Variants in ADAM32 observed in about 807,000 individuals in gnomAD.
The protein encoded by ADAM32 is disintegrin and metalloproteinase domain-containing protein 32.
ADAM32 carries 89 observed loss-of-function variants against 114.9 expected under a neutral mutation model. The observed-to-expected ratio is 0.77, with a 90% CI of 0.65 to 0.92. The LOEUF is 0.92. ADAM32 is among the 40% of genes least tolerant of loss of function. The pLI, the probability that ADAM32 is intolerant of heterozygous loss-of-function variation, is 0.00. For missense variants in ADAM32, 870 were observed against 932.8 expected, an observed-to-expected ratio of 0.93 and a Z score of 0.88; for synonymous variants, 285 against 307.5, an observed-to-expected ratio of 0.93 and a Z score of 0.77.
intron 14 of ADAM32, among the ~76,000 whole-genome samples, chr8:39,229,697 A>G (rs1809608640): frequency 1.3e-5 from 2 of 152,198 alleles, no homozygotes; most frequent in African/African-American, 4.8e-5. Flanking sequence ...CCAAATTTAT[A>G]AAACAATTAC....
At chr8:39,157,883 C>T (rs879830130) in intron 6 of ADAM32, 2 of 484,322 alleles carry the variant, frequency 4.1e-6, no homozygotes, top group Non-Finnish European at 7.7e-6. Flanking sequence ...TATTATAGAT[C>T]TTCTTGTTGA....
intron 11 of ADAM32, among the ~76,000 whole-genome samples, chr8:39,194,550 C>A (rs545509194): frequency 6.6e-6 from 1 of 152,162 alleles, no homozygotes; most frequent in Non-Finnish European, 1.5e-5. Context: ...AGAGAGGGCA[C>A]AAGCAAGCTG....
chr8:39,107,594 C>A, upstream of ADAM32: 1 of 1,413,052 alleles, frequency 7.1e-7, no homozygotes, highest in Admixed American at 3.0e-5. Flanking sequence ...AGCCTCGGGG[C>A]GCACGCTGCG....
At chr8:39,148,853 A>G (rs2129445474) in intron 4 of ADAM32, among the ~76,000 whole-genome samples, 1 of 152,284 alleles carries the variant, frequency 6.6e-6, no homozygotes, top group East Asian at 1.9e-4. Context: ...GAAATTATAT[A>G]ATTTTCACAT....
intron 13 of ADAM32, 127 bp from the exon 14 acceptor site, chr8:39,222,912 CA>C (rs1213924471): frequency 2.6e-4 from 172 of 656,152 alleles, no homozygotes; most frequent in Middle Eastern, 4.3e-4. Flanking sequence ...GTAATTTGTA[CA>C]AAAAAGTATT....
intron 3 of ADAM32, among the ~76,000 whole-genome samples, chr8:39,145,022 T>G (rs1486392034): frequency 6.6e-6 from 1 of 152,016 alleles, no homozygotes; most frequent in African/African-American, 2.4e-5. Context: ...TATACATTAA[T>G]AAGAAATTTT....
At position 39,212,853 on chromosome 8, in the gene ADAM32, C is replaced by T. The variant is rs554401957; in HGVS notation, c.1233+1529C>T. ...TCCAAAATGGTTGTATCTTTTTACA[C>T]TCCTGTCAGCAGCATATGAAACTTT... On this transcript the variant is annotated intron_variant, in intron 12 of 24. Coordinates refer to ENST00000379907, the MANE Select transcript of ADAM32 (RefSeq NM_145004.7). Among the ~76,000 whole-genome samples the T allele has an allele frequency of 3.3e-5, 5 of 152,250 alleles. No homozygotes were observed. In the East Asian group the frequency reaches 5.8e-4, roughly 18 times the overall value.
chr8:39,130,490 C>T (rs987964668), intron 2 of ADAM32, among the ~76,000 whole-genome samples: 1 of 150,116 alleles, frequency 6.7e-6, no homozygotes, highest in Non-Finnish European at 1.5e-5. Context: ...GATTTGATAC[C>T]TTCCTCTTCT....
At chr8:39,131,651 TTAATG>T (rs1802462791) in intron 2 of ADAM32, among the ~76,000 whole-genome samples, 1 of 152,202 alleles carries the variant, frequency 6.6e-6, no homozygotes, top group African/African-American at 2.4e-5. Flanking sequence ...GGCTTGGTAT[TTAATG>T]TGTGTGCACT....
At chr8:39,157,473 CT>C (rs910957337) in intron 6 of ADAM32, 239 of 356,784 alleles carry the variant, frequency 6.7e-4, no homozygotes, top group South Asian at 1.3e-3. Context: ...TTTCTTCACT[CT>C]TTTTTTTTCA....
At chr8:39,195,702 G>T (rs1806938070) in intron 11 of ADAM32, among the ~76,000 whole-genome samples, 1 of 152,100 alleles carries the variant, frequency 6.6e-6, no homozygotes, top group Admixed American at 6.5e-5. Flanking sequence ...AAGAAAATCA[G>T]TTAGCTGTAA....
Position 39,107,845 on chromosome 8 carries a change from C to A in ADAM32, c.58+12C>A. On this transcript the variant is annotated intron_variant, in intron 1 of 24. Coordinates refer to ENST00000379907, the MANE Select transcript of ADAM32 (RefSeq NM_145004.7). The stretch of plus-strand genomic sequence containing the variant: ...GGCGTCAAGACCCGGTGAGCCAGCC[C>A]AGACCCTGACACTAGTCCGGGCGCT... 1 of 1,536,570 alleles carries A rather than the reference C, an allele frequency of 6.5e-7. No individual in the cohort carries two copies. The highest frequency in any genetic ancestry group is 1.2e-5 in the South Asian group (1 of 82,634).
At chr8:39,211,069 G>T in intron 11 of ADAM32, 75 bp from the exon 12 acceptor site, 1 of 1,208,786 alleles carries the variant, frequency 8.3e-7, no homozygotes, top group South Asian at 2.9e-5. Context: ...TTAACATTTT[G>T]AAATTAATTT....
intron 10 of ADAM32, among the ~76,000 whole-genome samples, chr8:39,182,942 C>A (rs1026197037): frequency 2.0e-5 from 3 of 152,130 alleles, no homozygotes; most frequent in Non-Finnish European, 4.4e-5. Flanking sequence ...GTTGGGTTCT[C>A]TAGTTGGGCT....
At chr8:39,149,688 C>T (rs564807048) in intron 4 of ADAM32, 103 bp from the exon 5 acceptor site, 2 of 797,678 alleles carry the variant, frequency 2.5e-6, no homozygotes, top group Admixed American at 2.9e-5. Context: ...AATCACGGAG[C>T]CTGTGAAAAA....
At chr8:39,233,032 A>G (rs1368167164) in intron 15 of ADAM32, among the ~76,000 whole-genome samples, 1 of 152,180 alleles carries the variant, frequency 6.6e-6, no homozygotes, top group Non-Finnish European at 1.5e-5. Context: ...GACAGTAAAT[A>G]TATAATCTGC....
intron 16 of ADAM32, among the ~76,000 whole-genome samples, chr8:39,236,143 A>T (rs955274964): frequency 8.5e-5 from 13 of 152,208 alleles, no homozygotes; most frequent in African/African-American, 3.1e-4. Context: ...TTATGTCAGA[A>T]TTTTTTATAC....
intron 10 of ADAM32, among the ~76,000 whole-genome samples, chr8:39,175,508 T>C (rs1053136118): frequency 2.6e-5 from 4 of 152,236 alleles, no homozygotes; most frequent in Admixed American, 2.0e-4. Flanking sequence ...GAACCAACCT[T>C]GCATCCTGGG....
chr8:39,158,489 C>A, intron 6 of ADAM32: 2 of 286,240 alleles, frequency 7.0e-6, no homozygotes, highest in South Asian at 7.8e-5. Context: ...AGCCTCTACC[C>A]CTTCCTTCTT....
Sources: gnomAD v4.1 joint callset for allele counts (sites outside exome capture counted in the v4.1 genomes callset) on GRCh38, gnomAD v4.1.1 for gene constraint, MANE v1.5 for transcripts, NCBI Gene and HGNC (gene_info 2026-07-23, HGNC 2026-07-21) for gene names.